NELL1: variants seen among roughly 807,000 people sequenced by gnomAD.
NELL1 encodes protein kinase C-binding protein NELL1.
A neutral mutation model predicts 107.4 loss-of-function variants in NELL1; 76 were observed. The ratio of observed to expected loss-of-function variants is 0.71; its 90% confidence interval spans 0.59 to 0.86. The LOEUF is 0.86. NELL1 is among the 40% of genes least tolerant of loss of function. The pLI, the probability that NELL1 is intolerant of heterozygous loss-of-function variation, is 0.00. For synonymous variants in NELL1, 353 were observed against 341.2 expected (o/e 1.03, Z -0.38); for missense variants, 1,024 against 1,005.5 (o/e 1.02, Z -0.25).
Position 21,496,020 on chromosome 11 carries a change from G to A in NELL1, c.1646-38354G>A, listed in dbSNP as rs12576315. ...TTATTGCTTTCTATTTTGAAAATGT[G>A]TAAGTTATATTAATTGCTTTTCAAA... is the stretch of plus-strand genomic sequence containing the variant. On this transcript the variant is annotated intron_variant, in intron 15 of 19. Transcript: ENST00000357134. 0.016 allele frequency among the ~76,000 whole-genome samples: 2,450 copies of A among 152,140 alleles called. 195 individuals carry two copies. In the East Asian group the frequency reaches 0.26, roughly 16 times the overall value.
intron 13 of NELL1, among the ~76,000 whole-genome samples, chr11:21,201,441 G>C (rs182491337): frequency 1.3e-5 from 2 of 152,044 alleles, no homozygotes; most frequent in African/African-American, 2.4e-5. Context: ...TATTATTGGC[G>C]TATAGTAATG....
intron 14 of NELL1, among the ~76,000 whole-genome samples, chr11:21,330,407 T>G (rs1281807557): frequency 6.6e-6 from 1 of 152,166 alleles, no homozygotes; most frequent in Non-Finnish European, 1.5e-5. Context: ...TTATTGCAAG[T>G]GCCTTTACTA....
intron 10 of NELL1, among the ~76,000 whole-genome samples, chr11:20,943,140 G>A (rs372042940): frequency 2.0e-5 from 3 of 151,962 alleles, no homozygotes; most frequent in Admixed American, 6.6e-5. Context: ...GCATGTGTGA[G>A]TGCATGTGAA....
At chr11:21,493,503 A>G (rs186723433) in intron 15 of NELL1, among the ~76,000 whole-genome samples, 1 of 145,060 alleles carries the variant, frequency 6.9e-6, no homozygotes, top group Non-Finnish European at 1.5e-5. Context: ...TAGATACCAC[A>G]TATTCTCACT....
At chr11:21,129,818 G>A (rs1438709443) in intron 13 of NELL1, among the ~76,000 whole-genome samples, 3 of 152,182 alleles carry the variant, frequency 2.0e-5, no homozygotes, top group Non-Finnish European at 4.4e-5. Flanking sequence ...GATGAAAAGA[G>A]TTTTGGAGAT....
chr11:20,946,205 C>T lies in NELL1; in HGVS notation c.1072-1131C>T, dbSNP rs185953409. On this transcript the variant is annotated intron_variant, in intron 10 of 19. Transcript: ENST00000357134. ...CATGAAGACGGAAAACTCAGTCTCT[C>T]CTGCACCCTTCTTGACTATACACCT... Among the ~76,000 whole-genome samples the T allele has an allele frequency of 1.0e-3, 157 of 152,298 alleles. 1 individual carries two copies. Among genetic ancestry groups the T allele is most frequent in the African/African-American group, 3.2e-3 (133 of 41,564 alleles).
At chr11:21,230,230 A>T (rs1267603790) in intron 14 of NELL1, among the ~76,000 whole-genome samples, 1 of 152,182 alleles carries the variant, frequency 6.6e-6, no homozygotes. Flanking sequence ...TCACAGGTTT[A>T]TGTGTTTGCT....
intron 14 of NELL1, among the ~76,000 whole-genome samples, chr11:21,293,875 A>C (rs145202762): frequency 6.8e-4 from 103 of 152,282 alleles, no homozygotes; most frequent in African/African-American, 2.4e-3. Context: ...TTGGAAGTTG[A>C]ACAATGAAAA....
chr11:20,720,202 G>T (rs1318187964), intron 2 of NELL1, among the ~76,000 whole-genome samples: 8 of 141,058 alleles, frequency 5.7e-5, no homozygotes, highest in Non-Finnish European at 9.0e-5. Context: ...GTTCATTCCT[G>T]TTTTTTTTTT....
intron 14 of NELL1, among the ~76,000 whole-genome samples, chr11:21,295,307 A>G (rs1849350401): frequency 6.6e-6 from 1 of 152,102 alleles, no homozygotes; most frequent in Admixed American, 6.6e-5. Context: ...TGGATTAACT[A>G]GATATTTGTG....
At chr11:21,080,754 A>G (rs1457098271) in intron 12 of NELL1, among the ~76,000 whole-genome samples, 1 of 152,088 alleles carries the variant, frequency 6.6e-6, no homozygotes, top group Non-Finnish European at 1.5e-5. Context: ...TTTGATAGAT[A>G]TTTCCAACTT....
chr11:20,729,967 C>T (rs993648786), intron 2 of NELL1, among the ~76,000 whole-genome samples: 1 of 152,110 alleles, frequency 6.6e-6, no homozygotes, highest in African/African-American at 2.4e-5. Context: ...GGCTTGAGCT[C>T]CAGTGGATTG....
chr11:20,923,007 G>A (rs138090824), intron 7 of NELL1, among the ~76,000 whole-genome samples: 1 of 151,986 alleles, frequency 6.6e-6, no homozygotes, highest in African/African-American at 2.4e-5. Context: ...TAGAGAAAAT[G>A]GTCCTTAAGA....
chr11:21,436,549 A>C (rs1396860035), intron 15 of NELL1, among the ~76,000 whole-genome samples: 1 of 151,870 alleles, frequency 6.6e-6, no homozygotes, highest in Non-Finnish European at 1.5e-5. Flanking sequence ...TCTTAGCTTA[A>C]CTAATGATTT....
At chr11:21,029,978 A>C (rs576990742) in intron 12 of NELL1, among the ~76,000 whole-genome samples, 3 of 152,192 alleles carry the variant, frequency 2.0e-5, no homozygotes, top group Non-Finnish European at 4.4e-5. Flanking sequence ...CTCTAGAGTG[A>C]CCTGCTGAAT....
At chr11:21,492,107 A>G (rs1400637992) in intron 15 of NELL1, among the ~76,000 whole-genome samples, 1 of 152,196 alleles carries the variant, frequency 6.6e-6, no homozygotes, top group Non-Finnish European at 1.5e-5. Flanking sequence ...CACTTCTCAA[A>G]AGAAGACATT....
At chr11:20,799,950 C>T (rs1403717710) in intron 3 of NELL1, among the ~76,000 whole-genome samples, 1 of 152,140 alleles carries the variant, frequency 6.6e-6, no homozygotes, top group Non-Finnish European at 1.5e-5. Flanking sequence ...TAAGTAAGAA[C>T]ATGCAATATT....
chr11:21,336,995 T>C (rs548914056), intron 14 of NELL1, among the ~76,000 whole-genome samples: 4 of 152,042 alleles, frequency 2.6e-5, no homozygotes, highest in South Asian at 2.1e-4. Context: ...TTAAACAATA[T>C]GTGACCATTT....
At chr11:21,447,099 A>G (rs976367923) in intron 15 of NELL1, among the ~76,000 whole-genome samples, 5 of 151,630 alleles carry the variant, frequency 3.3e-5, no homozygotes, top group Admixed American at 1.3e-4. Context: ...GCTGATGCTC[A>G]CTTAAGACCC....
Sources: gnomAD v4.1 joint callset for allele counts (sites outside exome capture counted in the v4.1 genomes callset) on GRCh38, gnomAD v4.1.1 for gene constraint, MANE v1.5 for transcripts, NCBI Gene and HGNC (gene_info 2026-07-23, HGNC 2026-07-21) for gene names.